The following DDAH1 variants were observed in gnomAD, a reference collection of about 807,000 sequenced individuals.
DDAH1 encodes N(G),N(G)-dimethylarginine dimethylaminohydrolase 1.
DDAH1 carries 19 observed loss-of-function variants against 28.8 expected under a neutral mutation model. The ratio of observed to expected loss-of-function variants is 0.66; its 90% CI spans 0.46 to 0.97. DDAH1 has a LOEUF of 0.97. Among genes scored for constraint, DDAH1 ranks in the 50% least tolerant of loss-of-function variants. The pLI is 0.00. For missense variants in DDAH1, 326 were observed against 375.9 expected, an observed-to-expected ratio of 0.87 and a Z score of 1.10; for synonymous variants, 153 against 154.4, an observed-to-expected ratio of 0.99 and a Z score of 0.07.
At chr1:85,434,997 T>C (rs1409157213) in intron 1 of DDAH1, among the ~76,000 whole-genome samples, 1 of 152,184 alleles carries the variant, frequency 6.6e-6, no homozygotes, top group African/African-American at 2.4e-5. Flanking sequence ...TCTTGTTTTA[T>C]GTCTCTAAGT....
At chr1:85,499,150 G>A (rs1327286998) in intron 1 of DDAH1, among the ~76,000 whole-genome samples, 1 of 152,056 alleles carries the variant, frequency 6.6e-6, no homozygotes, top group Non-Finnish European at 1.5e-5. Context: ...GTTTATAAAA[G>A]AGATGCTTTA....
At chr1:85,323,780 G>C (rs1328650697) in intron 5 of DDAH1, among the ~76,000 whole-genome samples, 1 of 151,796 alleles carries the variant, frequency 6.6e-6, no homozygotes, top group Admixed American at 6.6e-5. Context: ...AGACTAGCTT[G>C]GGCAACATAA....
chr1:85,570,399 T>C (rs1384629068), intron 1 of DDAH1, among the ~76,000 whole-genome samples: 1 of 94,332 alleles, frequency 1.1e-5, no homozygotes, highest in African/African-American at 3.7e-5. Context: ...CACACACATC[T>C]CAGTGCACTT....
chr1:85,570,089 C>T (rs1489727533), intron 1 of DDAH1, among the ~76,000 whole-genome samples: 1 of 152,078 alleles, frequency 6.6e-6, no homozygotes, highest in African/African-American at 2.4e-5. Flanking sequence ...TCATTCAATC[C>T]TCCCAATAAT....
intron 1 of DDAH1, chr1:85,521,574 C>A: frequency 2.1e-6 from 2 of 958,022 alleles, no homozygotes; most frequent in Non-Finnish European, 2.5e-6. Flanking sequence ...GGGTCACAGG[C>A]CATTTGCTAC....
intron 1 of DDAH1, among the ~76,000 whole-genome samples, chr1:85,406,522 T>C (rs1652410846): frequency 6.6e-6 from 1 of 152,170 alleles, no homozygotes; most frequent in African/African-American, 2.4e-5. Context: ...GTTTTAAAAC[T>C]TGAAATATTC....
At chr1:85,530,672 C>G (rs1257633258) in intron 1 of DDAH1, among the ~76,000 whole-genome samples, 1 of 150,746 alleles carries the variant, frequency 6.6e-6, no homozygotes, top group East Asian at 1.9e-4. Context: ...CAAACCACAT[C>G]TTTTTCCTAG....
intron 1 of DDAH1, among the ~76,000 whole-genome samples, chr1:85,375,268 C>T (rs1235656928): frequency 1.3e-5 from 2 of 152,050 alleles, no homozygotes; most frequent in Non-Finnish European, 2.9e-5. Context: ...GGATGTTGCA[C>T]AGAGAGAGGT....
chr1:85,386,778 T>G (rs1000305507), intron 1 of DDAH1, among the ~76,000 whole-genome samples: 2 of 152,218 alleles, frequency 1.3e-5, no homozygotes, highest in Non-Finnish European at 2.9e-5. Flanking sequence ...GGCTCCACCC[T>G]GCAGCAAGCT....
chr1:85,369,739 A>G lies in DDAH1; in HGVS notation c.304-10892T>C, dbSNP rs1021168045. ...GATATGGAGAGATAGGCAATAAATAATAAACATTAAAAATATTAGTGGTAA... is the reference window on the plus strand; with the variant it reads ...GATATGGAGAGATAGGCAATAAATAGTAAACATTAAAAATATTAGTGGTAA... On this transcript the variant is annotated intron_variant, in intron 1 of 5. Transcript: ENST00000284031. Among the ~76,000 whole-genome samples the G allele has an allele frequency of 2.6e-5, 4 of 152,332 alleles. No homozygotes were observed. In the East Asian group the frequency reaches 7.7e-4, roughly 29 times the overall value.
At chr1:85,360,532 A>G (rs1286027070) in intron 1 of DDAH1, among the ~76,000 whole-genome samples, 2 of 152,202 alleles carry the variant, frequency 1.3e-5, no homozygotes, top group East Asian at 3.8e-4. Flanking sequence ...TGGAAAATTC[A>G]CTGAGCTTAG....
chr1:85,468,621 A>C (rs1388713973), upstream of DDAH1, among the ~76,000 whole-genome samples: 7 of 150,192 alleles, frequency 4.7e-5, no homozygotes, highest in Non-Finnish European at 1.0e-4. Flanking sequence ...CCGCGTTCAC[A>C]CCATTCTCCT....
At chr1:85,509,422 C>T (rs974539302) in intron 1 of DDAH1, among the ~76,000 whole-genome samples, 3 of 152,108 alleles carry the variant, frequency 2.0e-5, no homozygotes, top group South Asian at 4.1e-4. Flanking sequence ...AATCAGAGTA[C>T]CTATTCTCCT....
chr1:85,419,925 T>A (rs543324352), intron 1 of DDAH1, among the ~76,000 whole-genome samples: 47 of 152,342 alleles, frequency 3.1e-4, no homozygotes, highest in African/African-American at 6.5e-4. Context: ...CTTGATTTTT[T>A]AAAAATAACA....
At chr1:85,546,397 C>A (rs1004334428) in intron 1 of DDAH1, among the ~76,000 whole-genome samples, 3 of 152,148 alleles carry the variant, frequency 2.0e-5, no homozygotes, top group African/African-American at 7.2e-5. Context: ...TATTGAAATT[C>A]TCAGCCTTCA....
Position 85,464,679 on chromosome 1 carries a change from G to T in DDAH1, c.303+64C>A. The T allele has an allele frequency of 5.6e-6, 8 of 1,427,226 alleles. No homozygotes were observed. The South Asian group carries it at 1.2e-4, about 21-fold the overall frequency. The allele number at this position is 1,427,226 out of a possible 1,614,324, so 88.4% of individuals were successfully genotyped here. A position where few individuals can be genotyped will look rare whatever the true frequency, so the allele number is the denominator to read the frequency against. ...AATGGCGCGACTCCCCAGGCAACAC[G>T]GCGGCCGGCGGCGGGGGAGGGCCTG... On this transcript the variant is annotated intron_variant, in intron 1 of 5. Transcript: ENST00000284031. This position sits in a 1 kb window ranked among gnomAD's most constrained non-coding sequence, Gnocchi z 4.4.
intron 1 of DDAH1, among the ~76,000 whole-genome samples, chr1:85,452,538 C>CAA (rs199725418): frequency 5.4e-5 from 8 of 146,888 alleles, no homozygotes; most frequent in Non-Finnish European, 9.0e-5. Flanking sequence ...TACAAACAAA[C>CAA]AAAAAAAAAA....
At chr1:85,391,729 T>C (rs1418690598) in intron 1 of DDAH1, among the ~76,000 whole-genome samples, 10 of 152,228 alleles carry the variant, frequency 6.6e-5, no homozygotes, top group African/African-American at 2.4e-4. Context: ...CAACCTAGGC[T>C]GGCCTTTTGG....
At chr1:85,550,287 C>T (rs1396835670) in intron 1 of DDAH1, among the ~76,000 whole-genome samples, 4 of 152,164 alleles carry the variant, frequency 2.6e-5, no homozygotes, top group African/African-American at 9.7e-5. Context: ...ATTATTCAAT[C>T]TATACCAAAT....
Sources: allele counts gnomAD v4.1 joint callset (sites outside exome capture counted in the v4.1 genomes callset), GRCh38; gene constraint gnomAD v4.1.1; non-coding constraint Gnocchi (gnomAD v3.1); transcripts MANE v1.5; gene names NCBI Gene and HGNC (gene_info 2026-07-23, HGNC 2026-07-21).